CCND3: variants seen among roughly 807,000 people sequenced by gnomAD.
CCND3 encodes the protein cyclin D3, also known as G1/S-specific cyclin-D3.
In CCND3, 9 loss-of-function variants were observed where a neutral mutation model predicts 28.7. That is an observed-to-expected ratio of 0.31 (90% CI 0.19 to 0.55). CCND3 has a LOEUF of 0.55. Ranked by LOEUF, CCND3 falls within the 20% of genes least tolerant of loss-of-function variation. The probability of loss-of-function intolerance (pLI) is 0.93; values close to 1 mark genes in which losing one functional copy is unlikely to be tolerated. For missense variants in CCND3, 315 were observed against 385.8 expected (o/e 0.82, Z 1.54); for synonymous variants, 164 against 163.9 (o/e 1.00, Z 0.00).
At chr6:42,001,098 A>G (rs536064846) in intron 1 of CCND3, among the ~76,000 whole-genome samples, 1 of 151,624 alleles carries the variant, frequency 6.6e-6, no homozygotes, top group Admixed American at 6.6e-5. Context: ...TTAGCCAGGC[A>G]TGGTGGTGCA....
At chr6:42,022,568 T>A (rs1763743862) in intron 1 of CCND3, among the ~76,000 whole-genome samples, 2 of 152,222 alleles carry the variant, frequency 1.3e-5, no homozygotes, top group South Asian at 4.1e-4. Context: ...TTTATTTACT[T>A]CCTTTGAGGG....
At chr6:41,990,800 C>A (rs915263033) in intron 1 of CCND3, among the ~76,000 whole-genome samples, 2 of 151,508 alleles carry the variant, frequency 1.3e-5, no homozygotes, top group African/African-American at 4.9e-5. Flanking sequence ...CCTGCCTCAG[C>A]CTCCAGGGTA....
At chr6:42,019,240 C>A (rs780114546) in intron 1 of CCND3, among the ~76,000 whole-genome samples, 1 of 152,128 alleles carries the variant, frequency 6.6e-6, no homozygotes, top group Non-Finnish European at 1.5e-5. Flanking sequence ...GTAATCCCAG[C>A]ACTTTGGGAG....
chr6:42,045,686 G>T (rs541804113), intron 1 of CCND3, among the ~76,000 whole-genome samples: 1 of 152,226 alleles, frequency 6.6e-6, no homozygotes, highest in East Asian at 1.9e-4. Context: ...GCCACCCCTA[G>T]AAAGGGGCAG....
intron 1 of CCND3, among the ~76,000 whole-genome samples, chr6:42,015,430 G>T (rs1319520486): frequency 6.6e-6 from 1 of 152,102 alleles, no homozygotes; most frequent in African/African-American, 2.4e-5. Flanking sequence ...AAAAGTTATG[G>T]CCAGGCACAG....
intron 1 of CCND3, among the ~76,000 whole-genome samples, chr6:41,956,065 G>A (rs1776428359): frequency 6.6e-6 from 1 of 152,158 alleles, no homozygotes; most frequent in African/African-American, 2.4e-5. Context: ...AGGCGGAGGT[G>A]GGTGGATCAC....
At chr6:41,956,870 T>G (rs1461302950) in intron 1 of CCND3, among the ~76,000 whole-genome samples, 2 of 151,140 alleles carry the variant, frequency 1.3e-5, no homozygotes, top group African/African-American at 4.9e-5. Flanking sequence ...CTACTAAAAA[T>G]ACAAAAAAAA....
At chr6:42,011,859 C>T (rs995866515) in intron 1 of CCND3, among the ~76,000 whole-genome samples, 11 of 152,150 alleles carry the variant, frequency 7.2e-5, no homozygotes, top group Non-Finnish European at 1.6e-4. Flanking sequence ...CCTGCAAAGA[C>T]TCAGATCGAG....
At chr6:42,008,475 T>G (rs1763243455) in intron 1 of CCND3, among the ~76,000 whole-genome samples, 1 of 152,244 alleles carries the variant, frequency 6.6e-6, no homozygotes, top group Non-Finnish European at 1.5e-5. Flanking sequence ...GTCCCCATTG[T>G]CAACAGCTTA....
chr6:42,015,136 T>A (rs529656741), intron 1 of CCND3, among the ~76,000 whole-genome samples: 1 of 152,112 alleles, frequency 6.6e-6, no homozygotes, highest in African/African-American at 2.4e-5. Flanking sequence ...CTCAAAGAGG[T>A]TAAAAGAACT....
chr6:41,974,802 T>TTC (rs2127409404), intron 1 of CCND3, among the ~76,000 whole-genome samples: 1 of 149,938 alleles, frequency 6.7e-6, no homozygotes, highest in South Asian at 2.1e-4. Context: ...CTTTTTTTTT[T>TTC]TTTTTTTTGA....
chr6:41,990,660 AT>A (rs67939325), intron 1 of CCND3, among the ~76,000 whole-genome samples: 4 of 121,274 alleles, frequency 3.3e-5, no homozygotes, highest in Admixed American at 9.9e-5. Context: ...TAACCAACTG[AT>A]TTTTTTTTTT....
intron 1 of CCND3, among the ~76,000 whole-genome samples, chr6:41,982,243 C>T (rs1471217312): frequency 2.8e-5 from 4 of 145,042 alleles, no homozygotes; most frequent in African/African-American, 1.0e-4. Flanking sequence ...GTACTTACTC[C>T]AGCCTGGGCA....
At chr6:42,036,403 ATTTTTTTTT>A (rs57849655) in intron 1 of CCND3, among the ~76,000 whole-genome samples, 1 of 31,312 alleles carries the variant, frequency 3.2e-5, no homozygotes, top group African/African-American at 1.4e-4. Flanking sequence ...ATATATATAT[ATTTTTTTTT>A]TTTTTTTTTT....
At chr6:41,996,441 C>T (rs1329247653) in intron 1 of CCND3, among the ~76,000 whole-genome samples, 8 of 151,876 alleles carry the variant, frequency 5.3e-5, no homozygotes, top group South Asian at 2.1e-4. Flanking sequence ...TAAGCCACCG[C>T]GCCCAGCCTG....
intron 1 of CCND3, among the ~76,000 whole-genome samples, chr6:41,987,393 T>A (rs1273899093): frequency 1.3e-5 from 2 of 151,940 alleles, no homozygotes; most frequent in Non-Finnish European, 1.5e-5. Context: ...TGGTAAGGCT[T>A]ATGGAGTACT....
intron 1 of CCND3, among the ~76,000 whole-genome samples, chr6:41,992,352 G>A (rs1312280465): frequency 6.6e-6 from 1 of 151,582 alleles, no homozygotes; most frequent in Non-Finnish European, 1.5e-5. Context: ...TAGTAAAGAC[G>A]TGGTTTTACC....
intron 1 of CCND3, among the ~76,000 whole-genome samples, chr6:42,018,891 TAA>T (rs10568698): frequency 0.7 from 95,074 of 136,396 alleles, 33,184 homozygotes; most frequent in Middle Eastern, 0.75. Context: ...AACTCCATGT[TAA>T]AAAAAAAAAA....
At chr6:41,959,554 T>G (rs1052514862) in intron 1 of CCND3, among the ~76,000 whole-genome samples, 3 of 150,332 alleles carry the variant, frequency 2.0e-5, no homozygotes, top group Non-Finnish European at 4.4e-5. Flanking sequence ...CGTGGTGGTG[T>G]GTGCCTGTAA....
Sources: gnomAD v4.1 joint callset for allele counts (sites outside exome capture counted in the v4.1 genomes callset) on GRCh38, gnomAD v4.1.1 for gene constraint, MANE v1.5 for transcripts, NCBI Gene and HGNC (gene_info 2026-07-23, HGNC 2026-07-21) for gene names.